Variants in ATRNL1 observed in about 807,000 individuals in gnomAD.
The protein encoded by ATRNL1 is attractin-like protein 1.
In ATRNL1, 95 loss-of-function variants were observed where a neutral mutation model predicts 182.7. That is an observed-to-expected ratio of 0.52 (90% CI 0.44 to 0.62). The LOEUF (loss-of-function observed/expected upper bound fraction) is 0.62. Among genes scored for constraint, ATRNL1 ranks in the 20% least tolerant of loss-of-function variants. The probability of loss-of-function intolerance (pLI) is 0.00; values close to 1 mark genes in which losing one functional copy is unlikely to be tolerated. For missense variants in ATRNL1, 1,471 were observed against 1,679.5 expected (o/e 0.88, Z 2.17); for synonymous variants, 576 against 568.3 (o/e 1.01, Z -0.19).
At chr10:115,351,742 G>GTGTTTTGTTT (rs61367511) in intron 19 of ATRNL1, among the ~76,000 whole-genome samples, 9,273 of 149,816 alleles carry the variant, frequency 0.062, 329 homozygotes, top group African/African-American at 0.12. Context: ...TTCTTTTCTT[G>GTGTTTTGTTT]TGTTTTGTTT....
chr10:115,754,077 T>C (rs1465372398), intron 27 of ATRNL1, among the ~76,000 whole-genome samples: 4 of 152,330 alleles, frequency 2.6e-5, no homozygotes, highest in Admixed American at 2.6e-4. Flanking sequence ...TATTAGCCCT[T>C]TGTCAGATGG....
intron 8 of ATRNL1, among the ~76,000 whole-genome samples, chr10:115,201,448 T>A (rs1191097199): frequency 1.3e-5 from 2 of 152,152 alleles, no homozygotes; most frequent in Non-Finnish European, 2.9e-5. Context: ...TTTCTACATA[T>A]GGCTAGCCAG....
intron 26 of ATRNL1, among the ~76,000 whole-genome samples, chr10:115,696,814 CTT>C (rs1330536897): frequency 4.6e-5 from 7 of 151,312 alleles, no homozygotes; most frequent in African/African-American, 1.7e-4. Flanking sequence ...CTTCAGGAAA[CTT>C]ATAATCATGG....
chr10:115,158,682 T>C (rs1400385329), intron 5 of ATRNL1, among the ~76,000 whole-genome samples: 4 of 151,870 alleles, frequency 2.6e-5, no homozygotes, highest in Non-Finnish European at 4.4e-5. Context: ...ACATGAAAAC[T>C]GTATGGGTCA....
chr10:115,318,406 A>C (rs1361419024), intron 18 of ATRNL1, among the ~76,000 whole-genome samples: 1 of 152,194 alleles, frequency 6.6e-6, no homozygotes, highest in African/African-American at 2.4e-5. Context: ...GCTTTATAAA[A>C]TTAGTTAGAG....
At chr10:115,310,640 C>T (rs1554927498) in intron 17 of ATRNL1, among the ~76,000 whole-genome samples, 1 of 152,114 alleles carries the variant, frequency 6.6e-6, no homozygotes, top group Non-Finnish European at 1.5e-5. Flanking sequence ...AGAGTTGTCT[C>T]AAATGATCTT....
chr10:115,268,189 A>G, intron 12 of ATRNL1, 137 bp from the exon 13 acceptor site: 1 of 621,050 alleles, frequency 1.6e-6, no homozygotes, highest in Non-Finnish European at 2.9e-6. Flanking sequence ...TAGAAAACTT[A>G]CTTTGAAATT....
intron 19 of ATRNL1, among the ~76,000 whole-genome samples, chr10:115,380,739 A>G (rs1183678892): frequency 1.3e-5 from 2 of 152,186 alleles, no homozygotes; most frequent in Admixed American, 1.3e-4. Flanking sequence ...AAATTCAATT[A>G]TAATATCCAA....
At chr10:115,333,676 A>G (rs145174425) in intron 18 of ATRNL1, among the ~76,000 whole-genome samples, 1,965 of 151,914 alleles carry the variant, frequency 0.013, 37 homozygotes, top group African/African-American at 0.044. Context: ...TAGTAGAGAC[A>G]GGGTTTCACC....
In ATRNL1 at chr10:115,177,873, GT is replaced by G. The variant is rs34650029; in HGVS notation, c.1348+6596del. ...ACAAATAAATCAGGAAGGGAGCTGTGTTTTTTTTTTTTTTTGGTTTTGTTTT... is the reference window on the plus strand; with the variant it reads ...ACAAATAAATCAGGAAGGGAGCTGTGTTTTTTTTTTTTTTGGTTTTGTTTT... On this transcript the variant is annotated intron_variant, in intron 8 of 28. Coordinates refer to ENST00000355044, the MANE Select transcript of ATRNL1 (RefSeq NM_207303.4). Among the ~76,000 whole-genome samples, 598 of 94,134 alleles carry G rather than the reference GT, an allele frequency of 6.4e-3. 4 individuals carry two copies. Among genetic ancestry groups the G allele is most frequent in the African/African-American group, 0.014 (386 of 27,178 alleles). The allele number at this position is 94,134 out of a possible 152,430, so 61.8% of individuals were successfully genotyped here. A position where few individuals can be genotyped will look rare whatever the true frequency, so the allele number is the denominator to read the frequency against.
chr10:115,365,696 G>A (rs550913815), intron 19 of ATRNL1, among the ~76,000 whole-genome samples: 100 of 151,664 alleles, frequency 6.6e-4, no homozygotes, highest in African/African-American at 1.7e-3. Context: ...CTTTGAATGC[G>A]TCCCAGAGAT....
intron 26 of ATRNL1, among the ~76,000 whole-genome samples, chr10:115,565,084 T>C (rs1417644274): frequency 1.3e-5 from 2 of 152,040 alleles, no homozygotes; most frequent in Admixed American, 6.6e-5. Context: ...TTTAGAGAGA[T>C]ATTTTTAAGA....
chr10:115,566,133 C>T (rs1487201000), intron 26 of ATRNL1, among the ~76,000 whole-genome samples: 2 of 151,710 alleles, frequency 1.3e-5, no homozygotes, highest in Non-Finnish European at 2.9e-5. Flanking sequence ...TGGTGTCTTG[C>T]TGTATGGCCC....
rs200296037 is a variant in ATRNL1 at position 115,129,465 on chromosome 10, C to T, written c.759C>T (p.Cys253=). ...ACDIPYCKAN[C]GSPDHGYCDL... ...ATATTCCTTACTGTAAAGCCAATTGCGGCAGTCCAGATCACGGTTACTGTG... is the reference window on the plus strand; with the variant it reads ...ATATTCCTTACTGTAAAGCCAATTGTGGCAGTCCAGATCACGGTTACTGTG... Residue 253 remains cysteine, a synonymous_variant, in exon 5 of 29, where the codon TGC becomes TGT. Transcript: ENST00000355044. The T allele has an allele frequency of 1.6e-5, 26 of 1,613,974 alleles. No homozygotes were observed. The highest frequency in any genetic ancestry group is 3.3e-5 in the Admixed American group (2 of 60,002).
intron 20 of ATRNL1, among the ~76,000 whole-genome samples, chr10:115,402,780 T>C (rs1184701395): frequency 1.3e-5 from 2 of 152,196 alleles, no homozygotes; most frequent in Admixed American, 6.5e-5. Flanking sequence ...CTGTTCCTTA[T>C]ACCTTTCCCA....
chr10:115,212,416 A>T (rs966426321), intron 8 of ATRNL1, among the ~76,000 whole-genome samples: 4 of 151,906 alleles, frequency 2.6e-5, no homozygotes, highest in Admixed American at 2.6e-4. Flanking sequence ...AAGTTAGTTC[A>T]ACCATTGTGG....
intron 28 of ATRNL1, among the ~76,000 whole-genome samples, chr10:115,859,928 C>G (rs1173162290): frequency 1.3e-5 from 2 of 151,994 alleles, no homozygotes; most frequent in Admixed American, 1.3e-4. Flanking sequence ...AGTTAATGGC[C>G]CTCTGAAAAG....
At chr10:115,738,325 A>C (rs1201784566) in intron 27 of ATRNL1, among the ~76,000 whole-genome samples, 8 of 151,336 alleles carry the variant, frequency 5.3e-5, no homozygotes, top group Non-Finnish European at 1.0e-4. Context: ...TGTTTAGTAG[A>C]GACAGGGTTT....
chr10:115,187,598 A>G (rs893864502), intron 8 of ATRNL1, among the ~76,000 whole-genome samples: 3 of 149,450 alleles, frequency 2.0e-5, no homozygotes, highest in Admixed American at 1.3e-4. Context: ...ACATTAAAGT[A>G]TTGTACAAAT....
Sources: allele counts gnomAD v4.1 joint callset (sites outside exome capture counted in the v4.1 genomes callset), GRCh38; gene constraint gnomAD v4.1.1; transcripts MANE v1.5; gene names NCBI Gene and HGNC (gene_info 2026-07-23, HGNC 2026-07-21).